The following KIAA1328 variants were observed in gnomAD, a reference collection of about 807,000 sequenced individuals.
KIAA1328 encodes KIAA1328, also known as protein hinderin.
A neutral mutation model predicts 68.1 loss-of-function variants in KIAA1328; 52 were observed. That is an observed-to-expected ratio of 0.76 (90% CI 0.61 to 0.96). The LOEUF is 0.96. KIAA1328 is among the 40% of genes least tolerant of loss of function. The pLI, the probability that KIAA1328 is intolerant of heterozygous loss-of-function variation, is 0.00. For synonymous variants in KIAA1328, 232 were observed against 239.4 expected, an observed-to-expected ratio of 0.97 and a Z score of 0.28; for missense variants, 641 against 677.6, an observed-to-expected ratio of 0.95 and a Z score of 0.60.
At chr18:37,058,091 G>T (rs994659416) in intron 6 of KIAA1328, among the ~76,000 whole-genome samples, 1 of 152,154 alleles carries the variant, frequency 6.6e-6, no homozygotes, top group Non-Finnish European at 1.5e-5. Context: ...AAGAGTCAGG[G>T]ACTGTAGGGA....
intron 5 of KIAA1328, among the ~76,000 whole-genome samples, chr18:36,933,059 G>A (rs1014072375): frequency 6.6e-6 from 1 of 151,988 alleles, no homozygotes; most frequent in Non-Finnish European, 1.5e-5. Context: ...CAATTCTGTA[G>A]CCCTAATCTC....
chr18:36,857,151 G>A (rs1275246301), intron 4 of KIAA1328, among the ~76,000 whole-genome samples: 1 of 152,110 alleles, frequency 6.6e-6, no homozygotes, highest in Non-Finnish European at 1.5e-5. Context: ...CTTTTATAAG[G>A]TCTTTTCTGA....
chr18:37,135,209 T>A (rs1000088449), intron 7 of KIAA1328, among the ~76,000 whole-genome samples: 2 of 152,198 alleles, frequency 1.3e-5, no homozygotes, highest in African/African-American at 4.8e-5. Flanking sequence ...CTTTGGGATA[T>A]ACACCTAATA....
chr18:37,063,868 G>T (rs1229462065), intron 6 of KIAA1328, among the ~76,000 whole-genome samples: 4 of 151,810 alleles, frequency 2.6e-5, no homozygotes, highest in Non-Finnish European at 5.9e-5. Flanking sequence ...ATAAAACCTG[G>T]ATATGAATAT....
chr18:37,094,889 T>A (rs116382422), intron 7 of KIAA1328, among the ~76,000 whole-genome samples: 370 of 152,184 alleles, frequency 2.4e-3, no homozygotes, highest in African/African-American at 8.1e-3. Context: ...CATATTTCAT[T>A]TAAATGCAAA....
At position 36,936,520 on chromosome 18, in the gene KIAA1328, G is replaced by C. The variant is rs568427374; in HGVS notation, c.449-22788G>C. 3.3e-5 allele frequency among the ~76,000 whole-genome samples: 5 copies of C among 152,218 alleles called. No individual in the cohort carries two copies. The East Asian group carries it at 9.7e-4, about 29-fold the overall frequency. On this transcript the variant is annotated intron_variant, in intron 5 of 9. Coordinates refer to ENST00000280020, the MANE Select transcript of KIAA1328 (RefSeq NM_020776.3). ...TGTGCCACAATGCCTATCATTGACG[G>C]GCATTTGGGTTGGTTCCATGTCTTT...
chr18:36,859,003 C>A (rs1487359963), intron 4 of KIAA1328, among the ~76,000 whole-genome samples: 1 of 151,848 alleles, frequency 6.6e-6, no homozygotes, highest in African/African-American at 2.4e-5. Flanking sequence ...TCATTTTTTC[C>A]CCTTGGATTG....
At chr18:37,008,141 C>T (rs2151479324) in intron 6 of KIAA1328, among the ~76,000 whole-genome samples, 1 of 152,316 alleles carries the variant, frequency 6.6e-6, no homozygotes, top group Non-Finnish European at 1.5e-5. Context: ...TGCAAAGCTG[C>T]ATCTGCAGTG....
At chr18:37,063,654 C>G (rs1568355436) in intron 6 of KIAA1328, 1 of 985,354 alleles carries the variant, frequency 1.0e-6, no homozygotes. Context: ...GAGCATTGCT[C>G]TCTAGGCAAA....
chr18:37,182,327 A>G (rs2059713817), intron 9 of KIAA1328, among the ~76,000 whole-genome samples: 1 of 152,186 alleles, frequency 6.6e-6, no homozygotes, highest in African/African-American at 2.4e-5. Flanking sequence ...CCAAGAGACA[A>G]TTACAGAACA....
Position 37,160,243 on chromosome 18 carries a change from T to TC in KIAA1328, c.1277dup (p.Ser427IlefsTer3). 1 of 1,613,444 alleles carries TC rather than the reference T, an allele frequency of 6.2e-7. No individual in the cohort carries two copies. Among genetic ancestry groups the TC allele is most frequent in the Non-Finnish European group, 8.5e-7 (1 of 1,179,630 alleles). Reference sequence around the variant, plus strand: ...TGATGGCTGGCTGCTTGGAACATCATCATCTATTAAAAAGCACCAAGACCC... The same window carrying TC: ...TGATGGCTGGCTGCTTGGAACATCATCCATCTATTAAAAAGCACCAAGACCC... On this transcript the variant is annotated frameshift_variant, in exon 8 of 10. Coordinates refer to ENST00000280020, the MANE Select transcript of KIAA1328 (RefSeq NM_020776.3). LOFTEE classifies it high-confidence loss of function.
chr18:36,911,378 C>T (rs1216355415), intron 5 of KIAA1328, among the ~76,000 whole-genome samples: 2 of 152,126 alleles, frequency 1.3e-5, no homozygotes, highest in Non-Finnish European at 2.9e-5. Flanking sequence ...GCATGACATT[C>T]TTTACTCTAA....
At chr18:37,213,146 T>G (rs2060350622) in intron 9 of KIAA1328, among the ~76,000 whole-genome samples, 1 of 152,234 alleles carries the variant, frequency 6.6e-6, no homozygotes, top group East Asian at 1.9e-4. Flanking sequence ...AAAAATTTTT[T>G]GTAATTTTTT....
chr18:36,963,634 T>C (rs1036200566), intron 6 of KIAA1328, among the ~76,000 whole-genome samples: 2 of 152,230 alleles, frequency 1.3e-5, no homozygotes, highest in African/African-American at 4.8e-5. Flanking sequence ...AACGGCATCA[T>C]TGTGAATACT....
At chr18:37,132,857 G>A (rs574689890) in intron 7 of KIAA1328, among the ~76,000 whole-genome samples, 1 of 152,264 alleles carries the variant, frequency 6.6e-6, no homozygotes, top group African/African-American at 2.4e-5. Flanking sequence ...TCTTCAGTGG[G>A]TGAAGGTGAA....
At chr18:36,968,266 C>G (rs764936204) in intron 6 of KIAA1328, among the ~76,000 whole-genome samples, 11 of 152,082 alleles carry the variant, frequency 7.2e-5, no homozygotes, top group Non-Finnish European at 1.3e-4. Context: ...CCACACATAT[C>G]AATACTAACC....
intron 6 of KIAA1328, among the ~76,000 whole-genome samples, chr18:36,967,217 C>G (rs1568228350): frequency 6.6e-6 from 1 of 152,152 alleles, no homozygotes; most frequent in East Asian, 1.9e-4. Flanking sequence ...AGATTTGAAA[C>G]ATGAGAAGGA....
At chr18:36,956,872 A>T (rs1195596407) in intron 5 of KIAA1328, among the ~76,000 whole-genome samples, 1 of 152,152 alleles carries the variant, frequency 6.6e-6, no homozygotes, top group Admixed American at 6.5e-5. Context: ...CATCTTTTAG[A>T]GCTTGCTTTC....
At chr18:36,866,262 CTCTTACTTAGGT>C (rs2047747691) in intron 4 of KIAA1328, among the ~76,000 whole-genome samples, 1 of 152,114 alleles carries the variant, frequency 6.6e-6, no homozygotes, top group Non-Finnish European at 1.5e-5. Context: ...TGTCCTTCTT[CTCTTACTTAGGT>C]TCTGACATTG....
Sources: gnomAD v4.1 joint callset for allele counts (sites outside exome capture counted in the v4.1 genomes callset) on GRCh38, gnomAD v4.1.1 for gene constraint, MANE v1.5 for transcripts, NCBI Gene and HGNC (gene_info 2026-07-23, HGNC 2026-07-21) for gene names.